The following MARCHF4 variants were observed in gnomAD, a reference collection of about 807,000 sequenced individuals.
MARCHF4 encodes the protein membrane associated ring-CH-type finger 4, also known as E3 ubiquitin-protein ligase MARCHF4.
In MARCHF4, 14 loss-of-function variants were observed where a neutral mutation model predicts 43.9. The observed-to-expected ratio is 0.32, with a 90% CI of 0.21 to 0.50. The LOEUF is 0.50. Among genes scored for constraint, MARCHF4 ranks in the 20% least tolerant of loss-of-function variants. The pLI, the probability that MARCHF4 is intolerant of heterozygous loss-of-function variation, is 0.98. For synonymous variants in MARCHF4, 226 were observed against 213.3 expected, an observed-to-expected ratio of 1.06 and a Z score of -0.52; for missense variants, 468 against 536.7, an observed-to-expected ratio of 0.87 and a Z score of 1.27.
At chr2:216,330,025 G>T (rs542084081) in intron 1 of MARCHF4, among the ~76,000 whole-genome samples, 1 of 152,016 alleles carries the variant, frequency 6.6e-6, no homozygotes, top group Admixed American at 6.5e-5. Context: ...TGCAGCCCAG[G>T]ATTTTGAGGC....
At position 216,259,284 on chromosome 2, in the gene MARCHF4, T is replaced by A. The variant is rs773237928; in HGVS notation, c.*28A>T. ...CCCTGCTCCGGGCCCTCAGTGGTGG[T>A]CATGGCCTTCCTTCCGGGCCTCTGC... On this transcript the variant is annotated 3_prime_UTR_variant, in exon 4 of 4. Transcript: ENST00000273067. 13 of 1,515,404 alleles carry A rather than the reference T, an allele frequency of 8.6e-6. No homozygotes were observed. The Middle Eastern group carries it at 5.5e-4, about 64-fold the overall frequency. 93.9% of individuals were successfully genotyped at this position (1,515,404 alleles called of 1,614,324 possible). A position where few individuals can be genotyped will look rare whatever the true frequency, so the allele number is the denominator to read the frequency against.
chr2:216,333,688 T>C (rs1344818986), intron 1 of MARCHF4, among the ~76,000 whole-genome samples: 2 of 152,214 alleles, frequency 1.3e-5, no homozygotes, highest in Non-Finnish European at 2.9e-5. Flanking sequence ...AATAATCTCT[T>C]TTGAGCCCAT....
intron 1 of MARCHF4, among the ~76,000 whole-genome samples, chr2:216,328,604 G>C (rs1041227367): frequency 9.9e-5 from 15 of 152,154 alleles, no homozygotes; most frequent in Admixed American, 6.5e-4. Flanking sequence ...ATCACCCAGA[G>C]TTTACTAGTT....
chr2:216,314,062 T>C (rs1253701381), intron 1 of MARCHF4, among the ~76,000 whole-genome samples: 3 of 152,184 alleles, frequency 2.0e-5, no homozygotes, highest in African/African-American at 7.2e-5. Flanking sequence ...AGACAGCTAG[T>C]CTGCATTGTA....
chr2:216,302,897 CAAAA>C, intron 1 of MARCHF4, among the ~76,000 whole-genome samples: 1 of 78,348 alleles, frequency 1.3e-5, no homozygotes, highest in South Asian at 4.4e-4. Flanking sequence ...GACTCTGTAT[CAAAA>C]AAAAAAAAAA....
At chr2:216,342,420 A>G (rs1692251690) in intron 1 of MARCHF4, among the ~76,000 whole-genome samples, 1 of 152,124 alleles carries the variant, frequency 6.6e-6, no homozygotes, top group African/African-American at 2.4e-5. Context: ...AGGAGAGAAG[A>G]CCCTCTTGGG....
chr2:216,332,065 T>C (rs956127475), intron 1 of MARCHF4, among the ~76,000 whole-genome samples: 8 of 152,040 alleles, frequency 5.3e-5, no homozygotes, highest in African/African-American at 1.7e-4. Context: ...ATTATATACA[T>C]AGAAAAAAAT....
rs1438037856 is a variant in MARCHF4 at position 216,312,356 on chromosome 2, T to C, written c.517-28627A>G. 2.6e-5 allele frequency among the ~76,000 whole-genome samples: 4 copies of C among 152,212 alleles called. No homozygotes were observed. In the East Asian group the frequency reaches 7.7e-4, roughly 29 times the overall value. On this transcript the variant is annotated intron_variant, in intron 1 of 3. Coordinates refer to ENST00000273067, the MANE Select transcript of MARCHF4 (RefSeq NM_020814.3). ...ACCACATTTTCTTTATCCAGTCAGC[T>C]GCTGATAGTCACTTAGGTTGGTTCT...
chr2:216,282,352 A>T (rs1691142857), intron 2 of MARCHF4, among the ~76,000 whole-genome samples: 1 of 152,014 alleles, frequency 6.6e-6, no homozygotes, highest in South Asian at 2.1e-4. Flanking sequence ...TATGGGGTGT[A>T]AAATAAAACA....
In MARCHF4 at chr2:216,288,740, G is replaced by T. The variant is rs544317177; in HGVS notation, c.517-5011C>A. Among the ~76,000 whole-genome samples, 13 of 152,214 alleles carry T rather than the reference G, an allele frequency of 8.5e-5. 1 individual carries two copies. The South Asian group carries it at 2.7e-3, about 32-fold the overall frequency. ...TAGCCTTGGTTGTGATGGAGGTGGT[G>T]GGAGGGAGAACAGATGTATTCCGCT... is the stretch of plus-strand genomic sequence containing the variant. On this transcript the variant is annotated intron_variant, in intron 1 of 3. Transcript: ENST00000273067.
intron 2 of MARCHF4, among the ~76,000 whole-genome samples, chr2:216,280,217 G>A (rs916741238): frequency 6.6e-6 from 1 of 151,940 alleles, no homozygotes; most frequent in African/African-American, 2.4e-5. Context: ...GCTGGGAGGG[G>A]GAGAAGGACA....
chr2:216,272,998 T>C (rs1407206697), intron 3 of MARCHF4, among the ~76,000 whole-genome samples: 1 of 152,194 alleles, frequency 6.6e-6, no homozygotes, highest in African/African-American at 2.4e-5. Context: ...GTCTTCTCAT[T>C]GACTGCTAAG....
intron 1 of MARCHF4, among the ~76,000 whole-genome samples, chr2:216,316,199 T>C (rs1016728817): frequency 1.1e-4 from 17 of 152,216 alleles, no homozygotes; most frequent in Non-Finnish European, 2.2e-4. Flanking sequence ...ATAAGGGCAG[T>C]CCTTCCGCCT....
intron 1 of MARCHF4, among the ~76,000 whole-genome samples, chr2:216,351,182 T>C (rs747406957): frequency 3.3e-5 from 5 of 152,012 alleles, no homozygotes; most frequent in Non-Finnish European, 4.4e-5. Context: ...GTTTCTAGAG[T>C]GGAAACATGC....
chr2:216,296,095 A>G (rs1315236968), intron 1 of MARCHF4, among the ~76,000 whole-genome samples: 3 of 152,150 alleles, frequency 2.0e-5, no homozygotes, highest in African/African-American at 7.2e-5. Context: ...GCAGTGAGCC[A>G]AGATCGTGCC....
At chr2:216,338,189 CT>C (rs1692185958) in intron 1 of MARCHF4, among the ~76,000 whole-genome samples, 1 of 152,176 alleles carries the variant, frequency 6.6e-6, no homozygotes, top group Admixed American at 6.5e-5. Context: ...CCCTTCCCAA[CT>C]TTTTCTTAAG....
At chr2:216,283,849 G>T in intron 1 of MARCHF4, 120 bp from the exon 2 acceptor site, 1 of 1,081,546 alleles carries the variant, frequency 9.2e-7, no homozygotes, top group Non-Finnish European at 1.3e-6. Context: ...CACAGGCTTT[G>T]TTTGGGGGCA....
At chr2:216,349,565 T>G (rs1692366692) in intron 1 of MARCHF4, among the ~76,000 whole-genome samples, 2 of 152,100 alleles carry the variant, frequency 1.3e-5, no homozygotes. Flanking sequence ...TGATGTGAAG[T>G]GCAGGAAGGA....
At position 216,335,403 on chromosome 2, in the gene MARCHF4, A is replaced by C. The variant is rs1692141848; in HGVS notation, c.516+34342T>G. ...TGAATTCTTTACAGGAGAAATGATA[A>C]AAATTTAACAATTTAATGGCTAGAA... On this transcript the variant is annotated intron_variant, in intron 1 of 3. Coordinates refer to ENST00000273067, the MANE Select transcript of MARCHF4 (RefSeq NM_020814.3). 2.0e-5 allele frequency among the ~76,000 whole-genome samples: 3 copies of C among 152,376 alleles called. No individual in the cohort carries two copies. The South Asian group carries it at 6.2e-4, about 32-fold the overall frequency.
Sources: gnomAD v4.1 joint callset for allele counts (sites outside exome capture counted in the v4.1 genomes callset) on GRCh38, gnomAD v4.1.1 for gene constraint, MANE v1.5 for transcripts, NCBI Gene and HGNC (gene_info 2026-07-23, HGNC 2026-07-21) for gene names.